Variants in TYW3 observed in about 807,000 individuals in gnomAD.
TYW3 encodes tRNA wybutosine-synthesizing protein 3 homolog.
In TYW3, 26 loss-of-function variants were observed where a neutral mutation model predicts 23.1. The ratio of observed to expected loss-of-function variants is 1.13; its 90% confidence interval spans 0.83 to 1.56. TYW3 has a LOEUF of 1.56. Among genes scored for constraint, TYW3 ranks in the 40% most tolerant of loss-of-function variants. The pLI, the probability that TYW3 is intolerant of heterozygous loss-of-function variation, is 0.00. For synonymous variants in TYW3, 102 were observed against 105.7 expected, an observed-to-expected ratio of 0.97 and a Z score of 0.21; for missense variants, 316 against 311.9, an observed-to-expected ratio of 1.01 and a Z score of -0.10.
intron 2 of TYW3, 133 bp downstream of exon 2, chr1:74,736,755 C>T (rs971071874): frequency 1.5e-6 from 1 of 667,600 alleles, no homozygotes; most frequent in Non-Finnish European, 2.4e-6. Context: ...ACCTAGAGAG[C>T]TTTCATTACA....
Position 74,746,716 on chromosome 1 carries a change from A to C in TYW3, c.355-2035A>C, listed in dbSNP as rs112039163. ...GTGAAGGAGATAAGAAGGGCACTCC[A>C]CTAGAGAGTCAGGGGAGAGCTGCAT... On this transcript the variant is annotated intron_variant, in intron 3 of 5. Transcript: ENST00000370867. 1.7e-3 allele frequency among the ~76,000 whole-genome samples: 252 copies of C among 152,316 alleles called. 1 individual carries two copies. The highest frequency in any genetic ancestry group is 5.9e-3 in the African/African-American group (244 of 41,582).
At chr1:74,741,024 T>C (rs888980038) in intron 3 of TYW3, among the ~76,000 whole-genome samples, 1 of 152,166 alleles carries the variant, frequency 6.6e-6, no homozygotes, top group African/African-American at 2.4e-5. Flanking sequence ...GCAGTTGTAG[T>C]GTCCTCCAGA....
Position 74,763,982 on chromosome 1 carries a change from A to G in TYW3, c.649A>G (p.Ile217Val). The stretch of plus-strand genomic sequence containing the variant: ...CAAAGAGAAAAATAACTCATCATAT[A>G]TTCATAAGAAAAAAAGAAACCCAGA... ...KIKEKNNSSY[I>V]HKKKRNPEKT... The change falls in exon 6 of 6, where the codon ATT (isoleucine) becomes GTT (valine). Residue 217 changes from isoleucine (I) to valine (V), a missense_variant. Ile to Val is a conservative substitution (Grantham distance 29). Coordinates refer to ENST00000370867, the MANE Select transcript of TYW3 (RefSeq NM_138467.3). The G allele has an allele frequency of 6.2e-7, 1 of 1,610,988 alleles. No individual in the cohort carries two copies. Among genetic ancestry groups the G allele is most frequent in the South Asian group, 1.1e-5 (1 of 90,128 alleles).
rs537041268 is a variant in TYW3, at chr1:74,735,773, C to T, written c.175-769C>T. Among the ~76,000 whole-genome samples the T allele has an allele frequency of 2.0e-5, 3 of 152,280 alleles. No homozygotes were observed. In the South Asian group the frequency reaches 6.2e-4, roughly 32 times the overall value. On this transcript the variant is annotated intron_variant, in intron 1 of 5. Coordinates refer to ENST00000370867, the MANE Select transcript of TYW3 (RefSeq NM_138467.3). ...ATGAAGTCAAAATATTTATTTAGGA[C>T]ATGCATAGCAATTCCCGGTTCCAAG... is the stretch of plus-strand genomic sequence containing the variant.
At position 74,759,003 on chromosome 1, in the gene TYW3, G is replaced by T. The variant is rs144615700; in HGVS notation, c.561-4891G>T. 1.2e-3 allele frequency among the ~76,000 whole-genome samples: 181 copies of T among 152,290 alleles called. No homozygotes were observed. In the East Asian group the frequency reaches 0.013, roughly 11 times the overall value. ...TCTCCAAAGGCAAAAACAGTTTCTTGTTCATTATATTCTGAGTGTCTGGAA... is the reference window on the plus strand; with the variant it reads ...TCTCCAAAGGCAAAAACAGTTTCTTTTTCATTATATTCTGAGTGTCTGGAA... On this transcript the variant is annotated intron_variant, in intron 5 of 5. Coordinates refer to ENST00000370867, the MANE Select transcript of TYW3 (RefSeq NM_138467.3).
In TYW3 at chr1:74,765,265, G is replaced by C. The variant is rs1008251895; in HGVS notation, c.*1152G>C. 6.6e-6 allele frequency: 1 copy of C among 152,168 alleles called. No homozygotes were observed. The allele number at this position is 152,168 out of a possible 1,614,324, so 9.4% of individuals were successfully genotyped here. Reference sequence around the variant, plus strand: ...AAGGGTCACATGAACAGATGTTGCAGTGTACCTGTGCCAGGGATTTCATGT... The same window carrying C: ...AAGGGTCACATGAACAGATGTTGCACTGTACCTGTGCCAGGGATTTCATGT... On this transcript the variant is annotated 3_prime_UTR_variant, in exon 6 of 6. Transcript: ENST00000370867.
chr1:74,748,826 A>C lies in TYW3; in HGVS notation c.426+4A>C. The C allele has an allele frequency of 6.2e-7, 1 of 1,613,670 alleles. No homozygotes were observed. The highest frequency in any genetic ancestry group is 8.5e-7 in the Non-Finnish European group (1 of 1,179,692). On this transcript the variant is annotated splice_donor_region_variant and intron_variant, in intron 4 of 5. Transcript: ENST00000370867. Reference sequence around the variant, plus strand: ...AAAGAGAGGAAAAACTATGTTGGTAAGATATTTTGTCAAAGAGTAATTTTT... The same window carrying C: ...AAAGAGAGGAAAAACTATGTTGGTACGATATTTTGTCAAAGAGTAATTTTT...
At chr1:74,753,597 CT>C (rs1289323919) in intron 5 of TYW3, among the ~76,000 whole-genome samples, 1 of 152,160 alleles carries the variant, frequency 6.6e-6, no homozygotes. Context: ...CTTCAATTTT[CT>C]TATCTCTAAC....
chr1:74,747,697 A>G (rs1648616469), intron 3 of TYW3, among the ~76,000 whole-genome samples: 1 of 151,660 alleles, frequency 6.6e-6, no homozygotes, highest in African/African-American at 2.4e-5. Flanking sequence ...GTGAGTATGT[A>G]TACATATGTG....
intron 5 of TYW3, among the ~76,000 whole-genome samples, chr1:74,759,730 G>A (rs754491179): frequency 1.4e-4 from 21 of 152,068 alleles, no homozygotes; most frequent in African/African-American, 2.4e-4. Context: ...TGCAACCTTC[G>A]CCTTCCAGGC....
chr1:74,763,251 A>G (rs370987372), intron 5 of TYW3, among the ~76,000 whole-genome samples: 3 of 152,246 alleles, frequency 2.0e-5, no homozygotes, highest in South Asian at 4.1e-4. Flanking sequence ...CTAGGTGTCT[A>G]TATAAAGAAA....
chr1:74,764,330 G>A lies in TYW3; in HGVS notation c.*217G>A. On this transcript the variant is annotated 3_prime_UTR_variant, in exon 6 of 6. Coordinates refer to ENST00000370867, the MANE Select transcript of TYW3 (RefSeq NM_138467.3). ...CTTATCCTACGACTTCACCTGAAAT[G>A]CTATAGTTATCCCTACTTTTTTACC... 1 of 411,862 alleles carries A rather than the reference G, an allele frequency of 2.4e-6. No individual in the cohort carries two copies. Among genetic ancestry groups the A allele is most frequent in the Non-Finnish European group, 4.3e-6 (1 of 233,208 alleles). 25.5% of individuals were successfully genotyped at this position (411,862 alleles called of 1,614,324 possible).
rs540152925 is a variant in TYW3, at chr1:74,759,487, T to G, written c.561-4407T>G. Reference sequence around the variant, plus strand: ...ACCTTAGCCTCCCAAAGTTTTGGGATTATAAGCATGAGCCACTGCACATGG... The same window carrying G: ...ACCTTAGCCTCCCAAAGTTTTGGGAGTATAAGCATGAGCCACTGCACATGG... On this transcript the variant is annotated intron_variant, in intron 5 of 5. Coordinates refer to ENST00000370867, the MANE Select transcript of TYW3 (RefSeq NM_138467.3). Among the ~76,000 whole-genome samples, 457 of 152,060 alleles carry G rather than the reference T, an allele frequency of 3.0e-3. 1 individual carries two copies. Among genetic ancestry groups the G allele is most frequent in the Non-Finnish European group, 5.6e-3 (381 of 67,994 alleles).
intron 1 of TYW3, among the ~76,000 whole-genome samples, chr1:74,733,933 C>G (rs1347249837): frequency 6.6e-6 from 1 of 152,110 alleles, no homozygotes; most frequent in Admixed American, 6.5e-5. Context: ...AGTAGTTTTA[C>G]GCAGAGAAAA....
rs773041847 is a variant in TYW3 at position 74,733,331 on chromosome 1, T to G, written c.87T>G (p.Asp29Glu). 1 of 1,614,188 alleles carries G rather than the reference T, an allele frequency of 6.2e-7. No homozygotes were observed. Among genetic ancestry groups the G allele is most frequent in the African/African-American group, 1.3e-5 (1 of 75,060 alleles). ...DLSRKGSVDEDVVELVQFLNM... is the reference protein window; with the variant it reads ...DLSRKGSVDEEVVELVQFLNM... ...GCCGGAAGGGCAGTGTTGACGAGGATGTGGTAGAGCTTGTGCAGTTTCTGA... is the reference window on the plus strand; with the variant it reads ...GCCGGAAGGGCAGTGTTGACGAGGAGGTGGTAGAGCTTGTGCAGTTTCTGA... Residue 29 changes from aspartate to glutamate, a missense_variant, in exon 1 of 6, where the codon GAT becomes GAG. By Grantham distance (45) the Asp-to-Glu change is conservative. Coordinates refer to ENST00000370867, the MANE Select transcript of TYW3 (RefSeq NM_138467.3).
chr1:74,752,798 A>G (rs959546606), intron 5 of TYW3, among the ~76,000 whole-genome samples: 2 of 152,216 alleles, frequency 1.3e-5, no homozygotes, highest in Non-Finnish European at 2.9e-5. Context: ...GATGGGACCT[A>G]TCAGAGATTA....
intron 4 of TYW3, among the ~76,000 whole-genome samples, chr1:74,750,817 T>C (rs1342967832): frequency 9.2e-5 from 13 of 141,970 alleles, no homozygotes; most frequent in African/African-American, 3.6e-4. Flanking sequence ...TTTTTTTTTT[T>C]TTTTTTTGAG....
chr1:74,733,799 A>T (rs1648015714), intron 1 of TYW3, among the ~76,000 whole-genome samples: 2 of 152,196 alleles, frequency 1.3e-5, no homozygotes, highest in Admixed American at 1.3e-4. Context: ...TAGCTTGCTA[A>T]GGTATTGAAT....
Position 74,764,824 on chromosome 1 carries a change from C to T in TYW3, c.*711C>T, listed in dbSNP as rs1410949289. 1 of 152,064 alleles carries T rather than the reference C, an allele frequency of 6.6e-6. No homozygotes were observed. The highest frequency in any genetic ancestry group is 1.5e-5 in the Non-Finnish European group (1 of 68,024). 9.4% of individuals were successfully genotyped at this position (152,064 alleles called of 1,614,324 possible). ...TGATGGGAAAAATCAGAAAACCTCT[C>T]GCAGACAAAGGGTATATAATGGATA... is the stretch of plus-strand genomic sequence containing the variant. On this transcript the variant is annotated 3_prime_UTR_variant, in exon 6 of 6. Transcript: ENST00000370867.
Sources: gnomAD v4.1 joint callset for allele counts (sites outside exome capture counted in the v4.1 genomes callset) on GRCh38, gnomAD v4.1.1 for gene constraint, MANE v1.5 for transcripts, NCBI Gene and HGNC (gene_info 2026-07-23, HGNC 2026-07-21) for gene names.